TAGLN: variants seen among roughly 807,000 people sequenced by gnomAD.
The protein encoded by TAGLN is transgelin, also known as 22 kDa actin-binding protein.
A neutral mutation model predicts 21.9 loss-of-function variants in TAGLN; 16 were observed. The observed-to-expected ratio is 0.73, with a 90% CI of 0.49 to 1.11. TAGLN has a LOEUF of 1.11. TAGLN is among the 50% of genes least tolerant of loss of function. The pLI is 0.00. For synonymous variants in TAGLN, 96 were observed against 94.9 expected, an observed-to-expected ratio of 1.01 and a Z score of -0.06; for missense variants, 248 against 263.2, an observed-to-expected ratio of 0.94 and a Z score of 0.40.
chr11:117,201,006 C>CA (rs2134268879), intron 1 of TAGLN, among the ~76,000 whole-genome samples: 1 of 152,114 alleles, frequency 6.6e-6, no homozygotes, highest in African/African-American at 2.4e-5. Flanking sequence ...GCAGGGCTAC[C>CA]AAAATCACCT....
chr11:117,204,140 G>C (rs989160679), intron 4 of TAGLN, 75 bp from the exon 5 acceptor site: 10 of 1,598,914 alleles, frequency 6.3e-6, no homozygotes, highest in Non-Finnish European at 6.8e-6. Flanking sequence ...GGGCTAGGAC[G>C]TAACAGAGGG....
intron 1 of TAGLN, chr11:117,202,793 T>TC (rs2031152443): frequency 2.3e-6 from 1 of 430,238 alleles, no homozygotes; most frequent in African/African-American, 2.0e-5. Context: ...GCTCTAGACC[T>TC]CCAAAGACCT....
In TAGLN at chr11:117,203,271, ACTG is replaced by A; in HGVS notation, c.181-33_181-31del. ...GAGTCCTGGGCCAATCCCTGAGCTG[ACTG>A]CTAAGCTGCGTCCTATGCCCTATGC... On this transcript the variant is annotated intron_variant, in intron 2 of 4. Coordinates refer to ENST00000392951, the MANE Select transcript of TAGLN (RefSeq NM_003186.5). The surrounding 1 kb of genome is among the most constrained non-coding windows in gnomAD (Gnocchi z 4.4). The A allele has an allele frequency of 6.2e-7, 1 of 1,609,398 alleles. No homozygotes were observed. The highest frequency in any genetic ancestry group is 8.5e-7 in the Non-Finnish European group (1 of 1,176,224).
Position 117,203,974 on chromosome 11 carries a change from T to G in TAGLN, c.461+90T>G. The G allele has an allele frequency of 7.9e-7, 1 of 1,259,944 alleles. No homozygotes were observed. Among genetic ancestry groups the G allele is most frequent in the Non-Finnish European group, 1.1e-6 (1 of 870,808 alleles). The allele number at this position is 1,259,944 out of a possible 1,614,324, so 78.0% of individuals were successfully genotyped here. A position where few individuals can be genotyped will look rare whatever the true frequency, so the allele number is the denominator to read the frequency against. On this transcript the variant is annotated intron_variant, in intron 4 of 4. Coordinates refer to ENST00000392951, the MANE Select transcript of TAGLN (RefSeq NM_003186.5). The surrounding 1 kb of genome is among the most constrained non-coding windows in gnomAD (Gnocchi z 4.4). ...TGCGGGAAGGATTAGGGGAAGCAGA[T>G]AGCCAAGAAAGGATAAAGTGAGGGT...
chr11:117,203,892 GC>G lies in TAGLN; in HGVS notation c.461+13del. ...TCCCAACTGGTTTATGAAGTATGTG[GC>G]CCCCAGGGAGCTTGGGTCTCCGCAT... On this transcript the variant is annotated intron_variant, in intron 4 of 4. Coordinates refer to ENST00000392951, the MANE Select transcript of TAGLN (RefSeq NM_003186.5). This position sits in a 1 kb window ranked among gnomAD's most constrained non-coding sequence, Gnocchi z 4.4. The G allele has an allele frequency of 6.2e-7, 1 of 1,611,992 alleles. No individual in the cohort carries two copies. Among genetic ancestry groups the G allele is most frequent in the African/African-American group, 1.3e-5 (1 of 74,992 alleles).
rs2031256648 is a variant in TAGLN, at chr11:117,204,552, C to T, written c.*193C>T. The T allele has an allele frequency of 1.1e-5, 9 of 829,590 alleles. No homozygotes were observed. Among genetic ancestry groups the T allele is most frequent in the Admixed American group, 4.0e-5 (2 of 49,398 alleles). The allele number at this position is 829,590 out of a possible 1,614,324, so 51.4% of individuals were successfully genotyped here. A position where few individuals can be genotyped will look rare whatever the true frequency, so the allele number is the denominator to read the frequency against. ...CCCAGCCTCAGCCCAACTTCTTACC[C>T]GAAAGCATCACTGCCTTGGCCCCTC... On this transcript the variant is annotated 3_prime_UTR_variant, in exon 5 of 5. Transcript: ENST00000392951.
Position 117,206,107 on chromosome 11 carries a change from G to A in TAGLN, c.*1748G>A, listed in dbSNP as rs1220895892. ...CAGTCCCCTTGCTCCAGCAGGTCTG[G>A]GGCAAGGAGGTCAGAGGTGGTGGGA... On this transcript the variant is annotated 3_prime_UTR_variant, in exon 5 of 5. Coordinates refer to ENST00000392951, the MANE Select transcript of TAGLN (RefSeq NM_003186.5). 4.4e-6 allele frequency: 7 copies of A among 1,590,130 alleles called. No individual in the cohort carries two copies. The African/African-American group carries it at 8.1e-5, about 18-fold the overall frequency.
In TAGLN at chr11:117,204,205, C is replaced by T; in HGVS notation, c.462-10C>T. On this transcript the variant is annotated splice_polypyrimidine_tract_variant and intron_variant, in intron 4 of 4. Transcript: ENST00000392951. ...CTACCAAGTCTTTATCCTGGTTCCT[C>T]CTCTTCTAGGAAAGCGCAGGAGCAT... 2 of 1,614,108 alleles carry T rather than the reference C, an allele frequency of 1.2e-6. No individual in the cohort carries two copies. The highest frequency in any genetic ancestry group is 1.7e-6 in the Non-Finnish European group (2 of 1,179,944).
At position 117,203,677 on chromosome 11, in the gene TAGLN, G is replaced by T. The variant is rs954497153; in HGVS notation, c.359-105G>T. ...CTCCCTTGAATTGGGGACAACTCTT[G>T]GCCCTGGTTTGGCCATTTTTTTGTG... On this transcript the variant is annotated intron_variant, in intron 3 of 4. Transcript: ENST00000392951. The surrounding 1 kb of genome is among the most constrained non-coding windows in gnomAD (Gnocchi z 4.4). The T allele has an allele frequency of 7.5e-6, 10 of 1,339,756 alleles. No individual in the cohort carries two copies. In the African/African-American group the frequency reaches 1.3e-4, roughly 17 times the overall value. 83.0% of individuals were successfully genotyped at this position (1,339,756 alleles called of 1,614,324 possible).
At chr11:117,200,612 C>T (rs931955221) in intron 1 of TAGLN, among the ~76,000 whole-genome samples, 114 of 152,292 alleles carry the variant, frequency 7.5e-4, no homozygotes, top group Middle Eastern at 6.8e-3. Flanking sequence ...CTCCACTTTT[C>T]GACCCTGACC....
In TAGLN at chr11:117,203,711, G is replaced by C; in HGVS notation, c.359-71G>C. On this transcript the variant is annotated intron_variant, in intron 3 of 4. Transcript: ENST00000392951. This position sits in a 1 kb window ranked among gnomAD's most constrained non-coding sequence, Gnocchi z 4.4. ...TTGGCCATTTTTTTGTGAGAGACGG[G>C]GGCAGGCCCTGGCTTGGAGTCTTGT... 1 of 1,505,886 alleles carries C rather than the reference G, an allele frequency of 6.6e-7. No individual in the cohort carries two copies. Among genetic ancestry groups the C allele is most frequent in the Non-Finnish European group, 9.2e-7 (1 of 1,088,806 alleles). 93.3% of individuals were successfully genotyped at this position (1,505,886 alleles called of 1,614,324 possible).
In TAGLN at chr11:117,205,677, C is replaced by G. The variant is rs982653382; in HGVS notation, c.*1318C>G. 1 of 289,062 alleles carries G rather than the reference C, an allele frequency of 3.5e-6. No individual in the cohort carries two copies. The highest frequency in any genetic ancestry group is 5.1e-5 in the Admixed American group (1 of 19,732). 17.9% of individuals were successfully genotyped at this position (289,062 alleles called of 1,614,324 possible). ...TCTCAACTTATATGTGGGAAGGGGT[C>G]CCCCATGCTTGGGGGACCTAGGCAG... is the stretch of plus-strand genomic sequence containing the variant. On this transcript the variant is annotated 3_prime_UTR_variant, in exon 5 of 5. Coordinates refer to ENST00000392951, the MANE Select transcript of TAGLN (RefSeq NM_003186.5).
Position 117,206,082 on chromosome 11 carries a change from C to T in TAGLN, c.*1723C>T. ...GGCGCTCTTGTTCTGGGACAGGCTC[C>T]AGTCCCCTTGCTCCAGCAGGTCTGG... On this transcript the variant is annotated 3_prime_UTR_variant, in exon 5 of 5. Transcript: ENST00000392951. 1.3e-6 allele frequency: 2 copies of T among 1,539,792 alleles called. No individual in the cohort carries two copies. Among genetic ancestry groups the T allele is most frequent in the Non-Finnish European group, 1.8e-6 (2 of 1,122,736 alleles).
Position 117,203,726 on chromosome 11 carries a change from T to G in TAGLN, c.359-56T>G. Reference sequence around the variant, plus strand: ...TGAGAGACGGGGGCAGGCCCTGGCTTGGAGTCTTGTTTATACGTTCTTGAT... The same window carrying G: ...TGAGAGACGGGGGCAGGCCCTGGCTGGGAGTCTTGTTTATACGTTCTTGAT... On this transcript the variant is annotated intron_variant, in intron 3 of 4. Coordinates refer to ENST00000392951, the MANE Select transcript of TAGLN (RefSeq NM_003186.5). This position sits in a 1 kb window ranked among gnomAD's most constrained non-coding sequence, Gnocchi z 4.4. 3 of 1,553,580 alleles carry G rather than the reference T, an allele frequency of 1.9e-6. No individual in the cohort carries two copies. The highest frequency in any genetic ancestry group is 2.7e-6 in the Non-Finnish European group (3 of 1,128,030).
At position 117,207,237 on chromosome 11, in the gene TAGLN, GC is replaced by G. The variant is rs1417582986; in HGVS notation, c.*2880del. 2.9e-6 allele frequency: 2 copies of G among 694,388 alleles called. No individual in the cohort carries two copies. Among genetic ancestry groups the G allele is most frequent in the African/African-American group, 3.8e-5 (2 of 52,986 alleles). 43.0% of individuals were successfully genotyped at this position (694,388 alleles called of 1,614,324 possible). ...AGACAGCAGAGGCCCTGCCCGCCCTGCCACCCAAAGGGGCTCAGGCCACATG... is the reference window on the plus strand; with the variant it reads ...AGACAGCAGAGGCCCTGCCCGCCCTGCACCCAAAGGGGCTCAGGCCACATG... On this transcript the variant is annotated 3_prime_UTR_variant, in exon 5 of 5. Transcript: ENST00000392951.
intron 1 of TAGLN, chr11:117,202,331 T>C (rs750188024): frequency 6.6e-6 from 1 of 152,172 alleles, no homozygotes; most frequent in Non-Finnish European, 1.5e-5. Flanking sequence ...CGAGTTTTAG[T>C]CTCTTCAGCT....
At position 117,204,328 on chromosome 11, in the gene TAGLN, G is replaced by C; in HGVS notation, c.575G>C (p.Gly192Ala). The change falls in exon 5 of 5, where the codon GGC (glycine) becomes GCC (alanine). Residue 192 changes from glycine (G) to alanine (A), a missense_variant. Transcript: ENST00000392951. ...GGGGCCTCCCAGGCCGGCATGACAG[G>C]CTACGGACGACCTCGGCAGATCATC... ...NRGASQAGMT[G>A]YGRPRQIIS 6.2e-7 allele frequency: 1 copy of C among 1,614,240 alleles called. No homozygotes were observed. The highest frequency in any genetic ancestry group is 8.5e-7 in the Non-Finnish European group (1 of 1,180,048).
In TAGLN at chr11:117,205,501, G is replaced by C. The variant is rs1259733669; in HGVS notation, c.*1142G>C. 3 of 234,262 alleles carry C rather than the reference G, an allele frequency of 1.3e-5. No homozygotes were observed. The Admixed American group carries it at 1.7e-4, about 13-fold the overall frequency. 14.5% of individuals were successfully genotyped at this position (234,262 alleles called of 1,614,324 possible). A position where few individuals can be genotyped will look rare whatever the true frequency, so the allele number is the denominator to read the frequency against. Reference sequence around the variant, plus strand: ...AGGGGTTCATTCATGGTTGGTTTCTGATCAGGCATCTTGGGAATGGATAAT... The same window carrying C: ...AGGGGTTCATTCATGGTTGGTTTCTCATCAGGCATCTTGGGAATGGATAAT... On this transcript the variant is annotated 3_prime_UTR_variant, in exon 5 of 5. Transcript: ENST00000392951.
In TAGLN at chr11:117,205,437, C is replaced by T. The variant is rs1053044352; in HGVS notation, c.*1078C>T. The T allele has an allele frequency of 3.0e-5, 7 of 233,814 alleles. No homozygotes were observed. Among genetic ancestry groups the T allele is most frequent in the East Asian group, 1.8e-4 (3 of 16,582 alleles). The allele number at this position is 233,814 out of a possible 1,614,324, so 14.5% of individuals were successfully genotyped here. ...GGAGCCGTGTGTATCCCAGCTGTGC[C>T]GGCAGCATCATACCAATCGTGGGGG... On this transcript the variant is annotated 3_prime_UTR_variant, in exon 5 of 5. Transcript: ENST00000392951.
Sources: allele counts gnomAD v4.1 joint callset (sites outside exome capture counted in the v4.1 genomes callset), GRCh38; gene constraint gnomAD v4.1.1; non-coding constraint Gnocchi (gnomAD v3.1); transcripts MANE v1.5; gene names NCBI Gene and HGNC (gene_info 2026-07-23, HGNC 2026-07-21).